GLO1: variants seen among roughly 807,000 people sequenced by gnomAD.
GLO1 encodes the protein lactoylglutathione lyase.
GLO1 carries 28 observed loss-of-function variants against 26.0 expected under a neutral mutation model. The ratio of observed to expected loss-of-function variants is 1.08; its 90% CI spans 0.80 to 1.48. The LOEUF is 1.48. Among genes scored for constraint, GLO1 ranks in the 40% most tolerant of loss-of-function variants. GLO1 has a pLI of 0.00. For synonymous variants in GLO1, 78 were observed against 77.6 expected (o/e 1.00, Z -0.03); for missense variants, 225 against 224.8 (o/e 1.00, Z -0.01).
At chr6:38,687,864 G>A (rs1761478272) in intron 1 of GLO1, among the ~76,000 whole-genome samples, 1 of 151,696 alleles carries the variant, frequency 6.6e-6, no homozygotes, top group Admixed American at 6.6e-5. Context: ...CAGACCATAA[G>A]TCTGTGAACC....
intron 1 of GLO1, among the ~76,000 whole-genome samples, chr6:38,702,664 G>A (rs1253384880): frequency 6.6e-6 from 1 of 152,152 alleles, no homozygotes; most frequent in Non-Finnish European, 1.5e-5. Context: ...CTGTTCTCGT[G>A]GGCCTTGGCG....
chr6:38,681,947 C>G, intron 5 of GLO1, 65 bp downstream of exon 5: 1 of 822,278 alleles, frequency 1.2e-6, no homozygotes, highest in Non-Finnish European at 2.2e-6. Context: ...ACAACAGTGG[C>G]CTCTGTAGGT....
At position 38,675,925 on chromosome 6, in the gene GLO1, T is replaced by C. The variant is rs1480962104; in HGVS notation, c.*1370A>G. The stretch of plus-strand genomic sequence containing the variant: ...AAAGAAAGAACATGATGGACAAAGG[T>C]TTACAAATTAAACATAGTCTTATTT... On this transcript the variant is annotated 3_prime_UTR_variant, in exon 6 of 6. Coordinates refer to ENST00000373365, the MANE Select transcript of GLO1 (RefSeq NM_006708.3). The C allele has an allele frequency of 6.6e-6, 1 of 151,642 alleles. No individual in the cohort carries two copies. 9.4% of individuals were successfully genotyped at this position (151,642 alleles called of 1,614,324 possible).
chr6:38,687,652 G>A (rs1038846766), intron 1 of GLO1, among the ~76,000 whole-genome samples: 1 of 152,136 alleles, frequency 6.6e-6, no homozygotes, highest in Non-Finnish European at 1.5e-5. Context: ...CTGAGAAAAG[G>A]GTAGAAGGTA....
intron 4 of GLO1, 55 bp downstream of exon 4, chr6:38,682,753 C>T (rs747988040): frequency 6.7e-6 from 6 of 899,784 alleles, no homozygotes; most frequent in Non-Finnish European, 9.3e-6. Flanking sequence ...TAATTATATA[C>T]ATAATACAAA....
chr6:38,686,955 G>T lies in GLO1; in HGVS notation c.104C>A (p.Thr35Asn). ...CTTAGGATCCTTCACTCGTAGCATG[G>T]TCTGCTGCAATAGAAAATCCTATGG... ...PSTKDFLLQQ[T>N]MLRVKDPKKS... Residue 35 changes from threonine (T) to asparagine (N), a missense_variant, in exon 2 of 6, where the codon ACC becomes AAC. Transcript: ENST00000373365. 6.2e-7 allele frequency: 1 copy of T among 1,603,286 alleles called. No individual in the cohort carries two copies. The highest frequency in any genetic ancestry group is 8.5e-7 in the Non-Finnish European group (1 of 1,171,154).
At chr6:38,701,166 G>A (rs1761693314) in intron 1 of GLO1, among the ~76,000 whole-genome samples, 1 of 147,538 alleles carries the variant, frequency 6.8e-6, no homozygotes, top group African/African-American at 2.7e-5. Flanking sequence ...GGTGGAGGTT[G>A]GAAGTGTGGG....
intron 5 of GLO1, among the ~76,000 whole-genome samples, chr6:38,678,382 G>GGAAGGAAGGAAGGAAGGAAA (rs66843347): frequency 0.05 from 7,134 of 143,178 alleles, 402 homozygotes; most frequent in African/African-American, 0.1. Context: ...GGGAGAGAGA[G>GGAAGGAAGGAAGGAAGGAAA]GAAGGAAGGA....
chr6:38,703,096 G>A lies in GLO1; in HGVS notation c.-42C>T, dbSNP rs75521110. The A allele has an allele frequency of 2.4e-5, 28 of 1,166,936 alleles. No homozygotes were observed. The highest frequency in any genetic ancestry group is 3.0e-5 in the Non-Finnish European group (24 of 790,752). 72.3% of individuals were successfully genotyped at this position (1,166,936 alleles called of 1,614,324 possible). A position where few individuals can be genotyped will look rare whatever the true frequency, so the allele number is the denominator to read the frequency against. On this transcript the variant is annotated 5_prime_UTR_variant, in exon 1 of 6. Transcript: ENST00000373365. The stretch of plus-strand genomic sequence containing the variant: ...CACAGACGACGGGACCCAAGGAACG[G>A]AGGAGTCACCCACACTACGCCTCGG...
intron 5 of GLO1, among the ~76,000 whole-genome samples, chr6:38,681,474 A>T (rs1211352938): frequency 2.0e-5 from 3 of 152,224 alleles, no homozygotes; most frequent in African/African-American, 7.2e-5. Flanking sequence ...TTTAATTTGA[A>T]ATAGTTCAGA....
At chr6:38,683,843 C>T (rs1160711572) in intron 3 of GLO1, among the ~76,000 whole-genome samples, 9 of 151,526 alleles carry the variant, frequency 5.9e-5, no homozygotes, top group Non-Finnish European at 1.2e-4. Context: ...GCCGAGATCG[C>T]GCCACTGCAC....
chr6:38,684,539 G>A, intron 2 of GLO1, 25 bp from the exon 3 acceptor site: 1 of 1,433,644 alleles, frequency 7.0e-7, no homozygotes, highest in Non-Finnish European at 9.2e-7. Flanking sequence ...CAACAAGCCT[G>A]AATCATTAAC....
intron 1 of GLO1, among the ~76,000 whole-genome samples, chr6:38,693,677 CTCTCTCTCTATATA>C (rs371152330): frequency 0.036 from 3,478 of 97,160 alleles, 61 homozygotes; most frequent in South Asian, 0.049. Flanking sequence ...CTCTCTCTCT[CTCTCTCTCTATATA>C]TATATATATA....
chr6:38,692,765 C>T (rs1025782353), intron 1 of GLO1, among the ~76,000 whole-genome samples: 5 of 150,980 alleles, frequency 3.3e-5, no homozygotes, highest in African/African-American at 1.2e-4. Context: ...TTGTCAAATG[C>T]CTTTTCTGTA....
chr6:38,692,970 G>A (rs1239780884), intron 1 of GLO1, among the ~76,000 whole-genome samples: 1 of 151,356 alleles, frequency 6.6e-6, no homozygotes, highest in Non-Finnish European at 1.5e-5. Context: ...TATATTCATT[G>A]GAGATATTGG....
intron 5 of GLO1, among the ~76,000 whole-genome samples, chr6:38,679,296 TA>T (rs144118211): frequency 4.0e-5 from 6 of 150,236 alleles, no homozygotes; most frequent in African/African-American, 9.8e-5. Context: ...CCAGATAATT[TA>T]AAAAAAAACC....
chr6:38,687,775 G>A (rs1761477472), intron 1 of GLO1, among the ~76,000 whole-genome samples: 1 of 152,166 alleles, frequency 6.6e-6, no homozygotes, highest in Non-Finnish European at 1.5e-5. Context: ...CCATGTTGTA[G>A]ATGAGAAGCT....
intron 1 of GLO1, among the ~76,000 whole-genome samples, chr6:38,694,679 CA>C (rs533121970): frequency 3.6e-4 from 51 of 141,414 alleles, no homozygotes; most frequent in Middle Eastern, 3.7e-3. Flanking sequence ...CACCCTATCT[CA>C]AAAAAAAAAA....
In GLO1 at chr6:38,703,031, G is replaced by T. The variant is rs749384509; in HGVS notation, c.24C>A (p.Ser8=). The T allele has an allele frequency of 2.3e-5, 36 of 1,592,052 alleles. No homozygotes were observed. Among genetic ancestry groups the T allele is most frequent in the Non-Finnish European group, 3.1e-5 (36 of 1,165,354 alleles). Residue 8 remains serine (S), a synonymous_variant, in exon 1 of 6, where the codon TCC becomes TCA. Coordinates refer to ENST00000373365, the MANE Select transcript of GLO1 (RefSeq NM_006708.3). MAEPQPP[S]GGLTDEAALS... is the part of the protein sequence containing the mutation. ...GGGCGGCCTCGTCCGTGAGGCCGCC[G>T]GACGGGGGCTGCGGTTCTGCCATGG...
Sources: allele counts gnomAD v4.1 joint callset (sites outside exome capture counted in the v4.1 genomes callset), GRCh38; gene constraint gnomAD v4.1.1; transcripts MANE v1.5; gene names NCBI Gene and HGNC (gene_info 2026-07-23, HGNC 2026-07-21).